ANKIB1: variants seen among roughly 807,000 people sequenced by gnomAD.
The protein encoded by ANKIB1 is ankyrin repeat and IBR domain-containing protein 1.
Under a neutral mutation model 122.1 loss-of-function variants are expected in ANKIB1, and 43 were observed. That is an observed-to-expected ratio of 0.35 (90% CI 0.28 to 0.45). The LOEUF is 0.45. Among genes scored for constraint, ANKIB1 ranks in the 20% least tolerant of loss-of-function variants. ANKIB1 has a pLI of 1.00. For missense variants in ANKIB1, 992 were observed against 1,329.5 expected (o/e 0.75, Z 3.95); for synonymous variants, 390 against 442.0 (o/e 0.88, Z 1.48).
In ANKIB1 at chr7:92,398,572, A is replaced by C; in HGVS notation, c.2893A>C (p.Ile965Leu). Reference sequence around the variant, plus strand: ...TGACTCAGCTGGCCAGGACCCCAACATCAATGACAATCTTCTCGGCAACAT... The same window carrying C: ...TGACTCAGCTGGCCAGGACCCCAACCTCAATGACAATCTTCTCGGCAACAT... Reference protein sequence around the residue: ...DPDSAGQDPNINDNLLGNIMA... With the variant: ...DPDSAGQDPNLNDNLLGNIMA... The change falls in exon 20 of 20, where the codon ATC (isoleucine) becomes CTC (leucine). Residue 965 changes from isoleucine (I) to leucine (L), a missense_variant. Ile to Leu is a conservative substitution (Grantham distance 5). Around this residue, in one of 4 missense-constraint regions of ANKIB1, gnomAD observed 384 missense variants for 412.0 expected, o/e 0.93. Coordinates refer to ENST00000265742, the MANE Select transcript of ANKIB1 (RefSeq NM_019004.2). The C allele has an allele frequency of 6.2e-7, 1 of 1,613,916 alleles. No individual in the cohort carries two copies. Among genetic ancestry groups the C allele is most frequent in the Non-Finnish European group, 8.5e-7 (1 of 1,179,856 alleles).
chr7:92,347,279 TTTTTTGTTTTG>T (rs375286069), intron 7 of ANKIB1, among the ~76,000 whole-genome samples: 32 of 152,166 alleles, frequency 2.1e-4, no homozygotes, highest in Non-Finnish European at 3.7e-4. Flanking sequence ...TTATGAGTTT[TTTTTTGTTTTG>T]TTTTTTGTTT....
intron 1 of ANKIB1, among the ~76,000 whole-genome samples, chr7:92,250,589 T>C (rs1242036346): frequency 6.6e-6 from 1 of 152,234 alleles, no homozygotes; most frequent in Non-Finnish European, 1.5e-5. Flanking sequence ...AAAATGTGTG[T>C]ATTCTCCAGG....
In ANKIB1 at chr7:92,246,106, C is replaced by A; in HGVS notation, c.-504C>A. The A allele has an allele frequency of 3.5e-6, 1 of 284,064 alleles. No individual in the cohort carries two copies. The highest frequency in any genetic ancestry group is 1.7e-4 in the East Asian group (1 of 5,994). The allele number at this position is 284,064 out of a possible 1,614,324, so 17.6% of individuals were successfully genotyped here. On this transcript the variant is annotated 5_prime_UTR_variant, in exon 1 of 20. Transcript: ENST00000265742. ...GCCAGCGGCTGAGCCGGAGCCGGAG[C>A]CGGAGGCGGGGGAGGGGAAGAGGGC...
chr7:92,357,942 A>G (rs547478152), intron 9 of ANKIB1, among the ~76,000 whole-genome samples: 37 of 152,222 alleles, frequency 2.4e-4, no homozygotes, highest in Non-Finnish European at 4.3e-4. Context: ...TATATTTTAT[A>G]GTATTAAATG....
intron 5 of ANKIB1, among the ~76,000 whole-genome samples, chr7:92,335,065 A>G (rs138760175): frequency 3.9e-5 from 6 of 151,960 alleles, no homozygotes; most frequent in Admixed American, 3.9e-4. Flanking sequence ...GTGATTTGTC[A>G]TTCATATCTT....
intron 11 of ANKIB1, among the ~76,000 whole-genome samples, chr7:92,375,662 A>T (rs1562796490): frequency 1.3e-5 from 2 of 152,268 alleles, no homozygotes; most frequent in Admixed American, 1.3e-4. Flanking sequence ...ATCCATGAGG[A>T]TAGGAATCAA....
chr7:92,271,251 A>G (rs2131892294), intron 1 of ANKIB1, among the ~76,000 whole-genome samples: 1 of 152,092 alleles, frequency 6.6e-6, no homozygotes, highest in East Asian at 1.9e-4. Flanking sequence ...CTTTTGCTCC[A>G]TTGTCAAAAA....
At chr7:92,253,221 A>G (rs752583782) in intron 1 of ANKIB1, among the ~76,000 whole-genome samples, 17 of 152,342 alleles carry the variant, frequency 1.1e-4, no homozygotes, top group Middle Eastern at 3.4e-3. Context: ...TCTGGCAGCA[A>G]TAAACTAGGC....
chr7:92,329,441 T>C (rs760509285), intron 5 of ANKIB1, among the ~76,000 whole-genome samples: 121 of 152,228 alleles, frequency 7.9e-4, no homozygotes, highest in Admixed American at 1.4e-3. Context: ...CCCAAAAATA[T>C]GTGTTGTGAA....
chr7:92,276,629 A>T (rs1262953987), intron 1 of ANKIB1, among the ~76,000 whole-genome samples: 1 of 152,226 alleles, frequency 6.6e-6, no homozygotes, highest in Non-Finnish European at 1.5e-5. Context: ...AGTTAAAACA[A>T]ATTTCATTGA....
At chr7:92,292,843 T>C (rs894483982) in intron 1 of ANKIB1, among the ~76,000 whole-genome samples, 9 of 152,232 alleles carry the variant, frequency 5.9e-5, no homozygotes, top group Admixed American at 5.9e-4. Flanking sequence ...GGTGGTTATG[T>C]ATCAAAATGC....
chr7:92,341,330 T>G lies in ANKIB1; in HGVS notation c.788-1694T>G, dbSNP rs543593854. On this transcript the variant is annotated intron_variant, in intron 5 of 19. Transcript: ENST00000265742. ...GTCTCAAAAAAAAAAAAAAAAAAAT[T>G]TGTCATAACCTTTTTGGAAAGCCAT... Among the ~76,000 whole-genome samples, 5 of 151,550 alleles carry G rather than the reference T, an allele frequency of 3.3e-5. 1 individual carries two copies. The highest frequency in any genetic ancestry group is 7.4e-5 in the Non-Finnish European group (5 of 67,870).
chr7:92,259,792 C>A (rs1003635660), intron 1 of ANKIB1, among the ~76,000 whole-genome samples: 11 of 152,172 alleles, frequency 7.2e-5, no homozygotes, highest in Non-Finnish European at 1.3e-4. Context: ...TAGTGGTAAC[C>A]CCTTGCTTCC....
intron 1 of ANKIB1, among the ~76,000 whole-genome samples, chr7:92,250,434 A>G (rs1011886812): frequency 6.6e-6 from 1 of 152,218 alleles, no homozygotes; most frequent in Non-Finnish European, 1.5e-5. Flanking sequence ...ATATACTATC[A>G]AAAATAATTT....
At position 92,392,470 on chromosome 7, in the gene ANKIB1, G is replaced by A. The variant is rs530595516; in HGVS notation, c.2283+178G>A. ...GCTATTTATGTGGTATTGCTATATCGTCACATTGTTAAATGCATTACTCTT... is the reference window on the plus strand; with the variant it reads ...GCTATTTATGTGGTATTGCTATATCATCACATTGTTAAATGCATTACTCTT... On this transcript the variant is annotated intron_variant, in intron 17 of 19. Coordinates refer to ENST00000265742, the MANE Select transcript of ANKIB1 (RefSeq NM_019004.2). Among the ~76,000 whole-genome samples, 17 of 152,124 alleles carry A rather than the reference G, an allele frequency of 1.1e-4. No individual in the cohort carries two copies. In the East Asian group the frequency reaches 2.1e-3, roughly 19 times the overall value.
intron 2 of ANKIB1, among the ~76,000 whole-genome samples, chr7:92,296,857 T>C: frequency 6.6e-6 from 1 of 152,186 alleles, no homozygotes; most frequent in East Asian, 1.9e-4. Context: ...GGCCTATGAC[T>C]TAATTAGGTT....
At chr7:92,338,993 C>T (rs1269233993) in intron 5 of ANKIB1, among the ~76,000 whole-genome samples, 66 of 75,350 alleles carry the variant, frequency 8.8e-4, no homozygotes, top group Non-Finnish European at 1.5e-3. Flanking sequence ...TTCCTTTTTT[C>T]TTTATGCTTA....
At chr7:92,261,422 T>TTGTTG (rs1232610587) in intron 1 of ANKIB1, among the ~76,000 whole-genome samples, 1 of 147,096 alleles carries the variant, frequency 6.8e-6, no homozygotes, top group South Asian at 2.1e-4. Context: ...TTGTTTTGTT[T>TTGTTG]TGTTTGGCAA....
intron 5 of ANKIB1, among the ~76,000 whole-genome samples, chr7:92,331,268 CTT>C (rs1438187815): frequency 2.1e-4 from 28 of 135,672 alleles, no homozygotes; most frequent in Non-Finnish European, 1.8e-4. Context: ...AACATCACTT[CTT>C]TTTTTTTTTT....
Sources: allele counts gnomAD v4.1 joint callset (sites outside exome capture counted in the v4.1 genomes callset), GRCh38; gene constraint gnomAD v4.1.1; regional missense constraint gnomAD v4.1.1; transcripts MANE v1.5; gene names NCBI Gene and HGNC (gene_info 2026-07-23, HGNC 2026-07-21).